Variants in CADM2 observed in about 807,000 individuals in gnomAD.
The protein encoded by CADM2 is cell adhesion molecule 2, also known as immunoglobulin superfamily member 4D.
CADM2 carries 12 observed loss-of-function variants against 49.8 expected under a neutral mutation model. The ratio of observed to expected loss-of-function variants is 0.24; its 90% CI spans 0.15 to 0.39. The LOEUF is 0.39. Ranked by LOEUF, CADM2 falls within the 10% of genes least tolerant of loss-of-function variation. The probability of loss-of-function intolerance (pLI) is 1.00; values close to 1 mark genes in which losing one functional copy is unlikely to be tolerated. For missense variants in CADM2, 378 were observed against 492.3 expected (o/e 0.77, Z 2.20); for synonymous variants, 214 against 175.4 (o/e 1.22, Z -1.74).
intron 1 of CADM2, among the ~76,000 whole-genome samples, chr3:84,981,954 A>G (rs909225877): frequency 2.0e-5 from 3 of 152,210 alleles, no homozygotes; most frequent in East Asian, 1.9e-4. Context: ...AGACAGCAAG[A>G]GAAACCCTGC....
At chr3:86,012,724 T>G (rs1484904368) in intron 8 of CADM2, 1 of 902,354 alleles carries the variant, frequency 1.1e-6, no homozygotes, top group African/African-American at 1.7e-5. Flanking sequence ...GCGCGTTGAC[T>G]CACGCCTGTA....
intron 1 of CADM2, among the ~76,000 whole-genome samples, chr3:85,617,025 CAGA>C (rs1371825157): frequency 6.6e-6 from 1 of 152,148 alleles, no homozygotes; most frequent in African/African-American, 2.4e-5. Flanking sequence ...GTGATCAACA[CAGA>C]AGATTTCTGT....
chr3:85,369,561 G>T (rs541796282), intron 1 of CADM2, among the ~76,000 whole-genome samples: 1 of 152,138 alleles, frequency 6.6e-6, no homozygotes, highest in Non-Finnish European at 1.5e-5. Context: ...CCTGAGGTCG[G>T]GAGTTCGAGA....
rs1340755517 is a variant in CADM2, at chr3:85,477,275, C to CAG, written c.62-249245_62-249244dup. 2.0e-5 allele frequency among the ~76,000 whole-genome samples: 3 copies of CAG among 151,044 alleles called. No individual in the cohort carries two copies. In the East Asian group the frequency reaches 5.8e-4, roughly 29 times the overall value. On this transcript the variant is annotated intron_variant, in intron 1 of 9. Coordinates refer to ENST00000383699, the MANE Select transcript of CADM2 (RefSeq NM_001167675.2). ...ACACACACACACACACACACACATA[C>CAG]AGACACGTATTAGTTATTTATAGAA...
intron 1 of CADM2, among the ~76,000 whole-genome samples, chr3:85,498,792 A>G (rs957512516): frequency 6.6e-6 from 1 of 152,170 alleles, no homozygotes; most frequent in Non-Finnish European, 1.5e-5. Context: ...CCCAATGAGC[A>G]ATGGCTTTGT....
At chr3:85,212,812 CTCTTTCTT>C (rs61255712) in intron 1 of CADM2, among the ~76,000 whole-genome samples, 4,073 of 102,536 alleles carry the variant, frequency 0.04, 127 homozygotes, top group Middle Eastern at 0.071. Context: ...TCTTTTTCTT[CTCTTTCTT>C]TCTTTCTTTC....
chr3:85,055,033 CT>C (rs2036027298), intron 1 of CADM2, among the ~76,000 whole-genome samples: 1 of 151,810 alleles, frequency 6.6e-6, no homozygotes, highest in African/African-American at 2.4e-5. Flanking sequence ...CATTTTGTCC[CT>C]AATGCACTGA....
At chr3:86,037,486 T>A (rs369819804) in intron 8 of CADM2, among the ~76,000 whole-genome samples, 1 of 152,066 alleles carries the variant, frequency 6.6e-6, no homozygotes, top group South Asian at 2.1e-4. Flanking sequence ...AGAATGGAAG[T>A]AGAATTATGG....
At chr3:85,596,016 G>A (rs1453390643) in intron 1 of CADM2, among the ~76,000 whole-genome samples, 1 of 151,638 alleles carries the variant, frequency 6.6e-6, no homozygotes, top group Non-Finnish European at 1.5e-5. Flanking sequence ...TCACCCTAAA[G>A]TAAGTTTTGC....
intron 2 of CADM2, among the ~76,000 whole-genome samples, chr3:85,731,893 A>G (rs1377579921): frequency 1.3e-5 from 2 of 152,166 alleles, no homozygotes; most frequent in Admixed American, 6.5e-5. Flanking sequence ...TAATGAGGCC[A>G]TAATATATTT....
intron 1 of CADM2, among the ~76,000 whole-genome samples, chr3:85,456,202 C>A (rs757085500): frequency 9.9e-5 from 15 of 152,062 alleles, no homozygotes; most frequent in African/African-American, 3.6e-4. Context: ...CAGCAGACAC[C>A]ATTTTGAACA....
At chr3:84,960,008 C>T (rs754689447) in intron 1 of CADM2, 10 of 409,602 alleles carry the variant, frequency 2.4e-5, no homozygotes, top group African/African-American at 1.2e-4. Flanking sequence ...ATTCCACCCT[C>T]CCGACAACCC....
rs1326081511 is a variant in CADM2 at position 85,413,138 on chromosome 3, C to CAAAT, written c.62-313381_62-313380insTAAA. Among the ~76,000 whole-genome samples the CAAAT allele has an allele frequency of 7.6e-4, 13 of 17,100 alleles. No homozygotes were observed. The East Asian group carries it at 0.012, about 15-fold the overall frequency. The allele number at this position is 17,100 out of a possible 152,430, so 11.2% of individuals were successfully genotyped here. The stretch of plus-strand genomic sequence containing the variant: ...CCTGGGCGACAGCAAGACTCCGTCT[C>CAAAT]AAAAAAAAAAAAAAAAAAAAAAAAA... On this transcript the variant is annotated intron_variant, in intron 1 of 9. Transcript: ENST00000383699.
chr3:85,359,667 T>TATATATATATATATATATATATA (rs1491224693), intron 1 of CADM2, among the ~76,000 whole-genome samples: 16 of 16,466 alleles, frequency 9.7e-4, no homozygotes, highest in African/African-American at 2.2e-3. Flanking sequence ...TATATATATA[T>TATATATATATATATATATATATA]TTTTTTTTTT....
At chr3:85,206,297 T>C (rs988378561) in intron 1 of CADM2, among the ~76,000 whole-genome samples, 1 of 151,156 alleles carries the variant, frequency 6.6e-6, no homozygotes, top group Non-Finnish European at 1.5e-5. Flanking sequence ...TTTAGGTCTT[T>C]TTTTTTTTCT....
At chr3:85,144,960 T>C (rs888823740) in intron 1 of CADM2, among the ~76,000 whole-genome samples, 7 of 152,188 alleles carry the variant, frequency 4.6e-5, no homozygotes, top group African/African-American at 1.7e-4. Flanking sequence ...AAGTGTCAGA[T>C]GTATGCCAAA....
chr3:85,442,727 T>C lies in CADM2; in HGVS notation c.62-283795T>C, dbSNP rs1024195245. On this transcript the variant is annotated intron_variant, in intron 1 of 9. Transcript: ENST00000383699. The stretch of plus-strand genomic sequence containing the variant: ...AGCCCTTTAAGTGTTAAATATAGTA[T>C]AAAAAAGTGACATAAGAATATATTT... Among the ~76,000 whole-genome samples the C allele has an allele frequency of 8.0e-5, 12 of 149,816 alleles. 1 individual carries two copies. The highest frequency in any genetic ancestry group is 1.2e-4 in the Non-Finnish European group (8 of 67,520).
chr3:85,668,037 G>T (rs939047852), intron 1 of CADM2, among the ~76,000 whole-genome samples: 1 of 151,820 alleles, frequency 6.6e-6, no homozygotes, highest in Admixed American at 6.6e-5. Flanking sequence ...TTCAACAAAC[G>T]TTGGCTTATA....
intron 3 of CADM2, among the ~76,000 whole-genome samples, chr3:85,861,868 A>G (rs2075548843): frequency 1.3e-5 from 2 of 152,022 alleles, no homozygotes; most frequent in African/African-American, 4.8e-5. Flanking sequence ...ATAATATCAT[A>G]AATTAATAAA....
Sources: allele counts gnomAD v4.1 joint callset (sites outside exome capture counted in the v4.1 genomes callset), GRCh38; gene constraint gnomAD v4.1.1; transcripts MANE v1.5; gene names NCBI Gene and HGNC (gene_info 2026-07-23, HGNC 2026-07-21).